Variants in SNAP91 observed in about 807,000 individuals in gnomAD.
SNAP91 encodes the protein clathrin coat assembly protein AP180.
Under a neutral mutation model 100.3 loss-of-function variants are expected in SNAP91, and 27 were observed. The ratio of observed to expected loss-of-function variants is 0.27; its 90% CI spans 0.20 to 0.37. SNAP91 has a LOEUF of 0.37. Among genes scored for constraint, SNAP91 ranks in the 10% least tolerant of loss-of-function variants. The pLI is 1.00. For missense variants in SNAP91, 986 were observed against 1,123.7 expected (o/e 0.88, Z 1.75); for synonymous variants, 404 against 398.6 (o/e 1.01, Z -0.16).
At position 83,701,539 on chromosome 6, in the gene SNAP91, C is replaced by CG. The variant is rs1244256215; in HGVS notation, c.130+6258dup. Among the ~76,000 whole-genome samples, 4 of 151,976 alleles carry CG rather than the reference C, an allele frequency of 2.6e-5. No individual in the cohort carries two copies. In the East Asian group the frequency reaches 5.8e-4, roughly 22 times the overall value. ...TCGGCTCACTGCAACCTCCGCCTCT[C>CG]GGGTTCAAGCAATTCTCCTGCCTCA... On this transcript the variant is annotated intron_variant, in intron 2 of 29. Transcript: ENST00000369694.
At chr6:83,645,094 T>G (rs904810737) in intron 7 of SNAP91, among the ~76,000 whole-genome samples, 3 of 152,150 alleles carry the variant, frequency 2.0e-5, no homozygotes, top group African/African-American at 7.2e-5. Flanking sequence ...TTAGAAACTC[T>G]GGGTAACAGG....
intron 2 of SNAP91, among the ~76,000 whole-genome samples, chr6:83,677,006 C>G (rs1453586976): frequency 6.6e-6 from 1 of 152,084 alleles, no homozygotes; most frequent in Non-Finnish European, 1.5e-5. Flanking sequence ...GCTTGCAGCC[C>G]CTGAACAACT....
Position 83,583,854 on chromosome 6 carries a change from T to G in SNAP91, c.2015-1498A>C, listed in dbSNP as rs139862603. On this transcript the variant is annotated intron_variant, in intron 22 of 29. Transcript: ENST00000369694. ...AATGCTGTTTGAGTTATGTTATTCC[T>G]AGAAATTGACAGTGATGTGGGTTTA... Among the ~76,000 whole-genome samples the G allele has an allele frequency of 2.3e-3, 350 of 152,322 alleles. 1 individual carries two copies. Among genetic ancestry groups the G allele is most frequent in the Middle Eastern group, 0.014 (4 of 294 alleles).
chr6:83,607,418 T>A (rs963142858), intron 13 of SNAP91, among the ~76,000 whole-genome samples: 5 of 151,750 alleles, frequency 3.3e-5, no homozygotes, highest in Admixed American at 6.6e-5. Context: ...GAAACTAATT[T>A]TAGAAAACAC....
chr6:83,556,387 GAGAGAGAGAA>G lies in SNAP91; in HGVS notation c.2632-152_2632-143del, dbSNP rs771657957. 244 of 498,282 alleles carry G rather than the reference GAGAGAGAGAA, an allele frequency of 4.9e-4. 17 individuals carry two copies. Among genetic ancestry groups the G allele is most frequent in the African/African-American group, 9.0e-4 (44 of 48,660 alleles). The allele number at this position is 498,282 out of a possible 1,614,324, so 30.9% of individuals were successfully genotyped here. On this transcript the variant is annotated intron_variant, in intron 28 of 29. Transcript: ENST00000369694. Reference sequence around the variant, plus strand: ...AGAGAGAGAGAGAGAGAGAGAGAGAGAGAGAGAGAAAAGCATTAGGCAGAACACATATCAA... The same window carrying G: ...AGAGAGAGAGAGAGAGAGAGAGAGAGAAGCATTAGGCAGAACACATATCAA...
At chr6:83,578,431 T>C (rs543352323) in intron 24 of SNAP91, among the ~76,000 whole-genome samples, 28 of 152,172 alleles carry the variant, frequency 1.8e-4, no homozygotes, top group Non-Finnish European at 4.0e-4. Flanking sequence ...TGATATCTTA[T>C]TTGGTTTTGA....
At chr6:83,615,120 T>C (rs1029661627) in intron 10 of SNAP91, among the ~76,000 whole-genome samples, 1 of 151,380 alleles carries the variant, frequency 6.6e-6, no homozygotes, top group Non-Finnish European at 1.5e-5. Flanking sequence ...TCCATAGCTA[T>C]TTTTTTTTCC....
chr6:83,638,339 G>A (rs1190829296), intron 8 of SNAP91, among the ~76,000 whole-genome samples: 1 of 151,996 alleles, frequency 6.6e-6, no homozygotes, highest in African/African-American at 2.4e-5. Flanking sequence ...AGAGGCATTT[G>A]CTAGCTTTGT....
chr6:83,629,179 T>C (rs2097103203), intron 8 of SNAP91, among the ~76,000 whole-genome samples: 1 of 152,138 alleles, frequency 6.6e-6, no homozygotes, highest in African/African-American at 2.4e-5. Context: ...TGTAAGTATT[T>C]GGGTTTACTT....
chr6:83,631,258 C>G (rs1376961541), intron 8 of SNAP91, among the ~76,000 whole-genome samples: 1 of 151,976 alleles, frequency 6.6e-6, no homozygotes, highest in Admixed American at 6.6e-5. Context: ...TTTGTGGCCT[C>G]TCATATGGTC....
intron 22 of SNAP91, among the ~76,000 whole-genome samples, chr6:83,584,460 T>TTTATGCTAAGATCACATCTA (rs1463369461): frequency 6.6e-6 from 1 of 152,132 alleles, no homozygotes; most frequent in Non-Finnish European, 1.5e-5. Context: ...CTATTTCTAC[T>TTTATGCTAAGATCACATCTA]TTATGCTAAG....
At chr6:83,672,001 C>G (rs1286467080) in intron 2 of SNAP91, among the ~76,000 whole-genome samples, 3 of 151,978 alleles carry the variant, frequency 2.0e-5, no homozygotes, top group Admixed American at 2.0e-4. Flanking sequence ...GCTCAAAACC[C>G]CCTGGGGCCT....
chr6:83,642,942 G>A (rs2097770252), intron 7 of SNAP91, among the ~76,000 whole-genome samples: 1 of 152,218 alleles, frequency 6.6e-6, no homozygotes, highest in African/African-American at 2.4e-5. Flanking sequence ...GATGGCCAGT[G>A]ATGATGAGCA....
intron 2 of SNAP91, among the ~76,000 whole-genome samples, chr6:83,668,530 G>A (rs1177889311): frequency 2.0e-5 from 3 of 152,060 alleles, no homozygotes; most frequent in Admixed American, 2.0e-4. Context: ...GTCCTTTGTA[G>A]GGACATGGAT....
chr6:83,601,164 A>T, intron 16 of SNAP91, 107 bp downstream of exon 16: 1 of 905,554 alleles, frequency 1.1e-6, no homozygotes, highest in Non-Finnish European at 1.7e-6. Flanking sequence ...AAAAGTACTT[A>T]AACACTCTGA....
At chr6:83,576,608 G>C (rs1437299993) in intron 24 of SNAP91, among the ~76,000 whole-genome samples, 1 of 152,120 alleles carries the variant, frequency 6.6e-6, no homozygotes, top group Non-Finnish European at 1.5e-5. Context: ...TTTGTTGCTG[G>C]GTGAAGAGTG....
rs112942973 is a variant in SNAP91, at chr6:83,650,716, C to A, written c.658+6038G>T. Among the ~76,000 whole-genome samples, 362 of 152,296 alleles carry A rather than the reference C, an allele frequency of 2.4e-3. 1 individual carries two copies. Among genetic ancestry groups the A allele is most frequent in the African/African-American group, 6.4e-3 (264 of 41,566 alleles). ...TACAGGCATGAGCCATTGCGCCTGG[C>A]CACTTTCCTTTTCTTGTAATGTCTT... On this transcript the variant is annotated intron_variant, in intron 7 of 29. Transcript: ENST00000369694.
intron 22 of SNAP91, among the ~76,000 whole-genome samples, chr6:83,589,965 A>G (rs552119952): frequency 1.2e-4 from 19 of 152,334 alleles, no homozygotes; most frequent in African/African-American, 4.6e-4. Flanking sequence ...AACTATTCAT[A>G]TGCTTTATCA....
intron 26 of SNAP91, among the ~76,000 whole-genome samples, chr6:83,567,914 A>G (rs1457431006): frequency 6.6e-6 from 1 of 152,208 alleles, no homozygotes; most frequent in East Asian, 1.9e-4. Flanking sequence ...AAACTAGTTC[A>G]ACCATTGTGG....
Sources: allele counts gnomAD v4.1 joint callset (sites outside exome capture counted in the v4.1 genomes callset), GRCh38; gene constraint gnomAD v4.1.1; transcripts MANE v1.5; gene names NCBI Gene and HGNC (gene_info 2026-07-23, HGNC 2026-07-21).